CTNNA1: variants seen among roughly 807,000 people sequenced by gnomAD.
CTNNA1 encodes the protein catenin alpha-1.
Under a neutral mutation model 98.4 loss-of-function variants are expected in CTNNA1, and 37 were observed. The observed-to-expected ratio is 0.38, with a 90% confidence interval of 0.29 to 0.49. The LOEUF (loss-of-function observed/expected upper bound fraction) is 0.49, where lower values mean the gene tolerates loss of function less well. Among genes scored for constraint, CTNNA1 ranks in the 20% least tolerant of loss-of-function variants. The pLI, the probability that CTNNA1 is intolerant of heterozygous loss-of-function variation, is 0.95. For missense variants in CTNNA1, 761 were observed against 1,147.2 expected (o/e 0.66, Z 4.86); for synonymous variants, 404 against 413.2 (o/e 0.98, Z 0.27).
At chr5:138,811,111 T>C (rs1384135155) in intron 4 of CTNNA1, among the ~76,000 whole-genome samples, 11 of 141,504 alleles carry the variant, frequency 7.8e-5, no homozygotes, top group East Asian at 2.2e-4. Flanking sequence ...GGGCTCCTCA[T>C]TTCTCAGATG....
At position 138,873,569 on chromosome 5, in the gene CTNNA1, C is replaced by T. The variant is rs752266723; in HGVS notation, c.1063-12643C>T. 1.2e-6 allele frequency: 2 copies of T among 1,613,838 alleles called. No individual in the cohort carries two copies. Among genetic ancestry groups the T allele is most frequent in the Admixed American group, 1.7e-5 (1 of 60,014 alleles). On this transcript the variant is annotated intron_variant, in intron 7 of 17. Coordinates refer to ENST00000302763, the MANE Select transcript of CTNNA1 (RefSeq NM_001903.5). This position sits in a 1 kb window ranked among gnomAD's most constrained non-coding sequence, Gnocchi z 6.1. ...GCATAGGATGGAGTGTTCCCACCGA[C>T]CTTGGAAACTGCCCAGCCAGGAGGC...
At chr5:138,766,460 T>TC (rs1427383213) in intron 1 of CTNNA1, among the ~76,000 whole-genome samples, 1 of 150,542 alleles carries the variant, frequency 6.6e-6, no homozygotes, top group Non-Finnish European at 1.5e-5. Flanking sequence ...TGTTTTTTTT[T>TC]TTTTTTCAGA....
chr5:138,885,150 T>G (rs1322950273), intron 7 of CTNNA1, among the ~76,000 whole-genome samples: 1 of 152,168 alleles, frequency 6.6e-6, no homozygotes, highest in Non-Finnish European at 1.5e-5. Flanking sequence ...GGATAAGAGA[T>G]AAAGTGAATA....
intron 5 of CTNNA1, among the ~76,000 whole-genome samples, chr5:138,818,656 G>A (rs1034857858): frequency 5.9e-5 from 9 of 152,134 alleles, no homozygotes; most frequent in African/African-American, 2.2e-4. Context: ...CAGTTGCCTA[G>A]GCTGTAGAAG....
rs1172693068 is a variant in CTNNA1, at chr5:138,904,312, GA to G, written c.1297-36del. 4.4e-6 allele frequency: 7 copies of G among 1,590,966 alleles called. No homozygotes were observed. The African/African-American group carries it at 8.2e-5, about 19-fold the overall frequency. On this transcript the variant is annotated intron_variant, in intron 9 of 17. Transcript: ENST00000302763. ...TGTGTTTTTTCCTTAGCAGTCAAAA[GA>G]GAAAAATCTTTAAAGATTATTTTTT...
chr5:138,848,471 A>T (rs1437474963), intron 7 of CTNNA1, among the ~76,000 whole-genome samples: 5 of 152,158 alleles, frequency 3.3e-5, no homozygotes, highest in Non-Finnish European at 1.5e-5. Flanking sequence ...TTCTCCTCCA[A>T]GAGCTTAGTT....
chr5:138,755,707 G>A (rs1237164120), intron 1 of CTNNA1, among the ~76,000 whole-genome samples: 1 of 152,126 alleles, frequency 6.6e-6, no homozygotes, highest in Admixed American at 6.5e-5. Flanking sequence ...ATGGTCACCT[G>A]TGCATTGGGA....
intron 7 of CTNNA1, among the ~76,000 whole-genome samples, chr5:138,845,155 T>G (rs897376048): frequency 6.6e-6 from 1 of 152,186 alleles, no homozygotes; most frequent in Admixed American, 6.5e-5. Flanking sequence ...ATTGGCAACT[T>G]TCTTCTAGGG....
chr5:138,879,831 AT>A lies in CTNNA1; in HGVS notation c.1063-6379del, dbSNP rs767235420. Among the ~76,000 whole-genome samples the A allele has an allele frequency of 5.1e-4, 77 of 152,270 alleles. 1 individual carries two copies. The highest frequency in any genetic ancestry group is 3.3e-3 in the Admixed American group (50 of 15,304). On this transcript the variant is annotated intron_variant, in intron 7 of 17. Transcript: ENST00000302763. ...GAGAAAGCAGTAGAAGGGGATTCTG[AT>A]TACACTAACAATGGTAAGCAGTGTT...
At chr5:138,799,882 ATGTATGTATGTG>A (rs1757380188) in intron 3 of CTNNA1, among the ~76,000 whole-genome samples, 1 of 140,888 alleles carries the variant, frequency 7.1e-6, no homozygotes, top group South Asian at 2.2e-4. Context: ...GTATGTATGT[ATGTATGTATGTG>A]TGTGTGTATG....
intron 7 of CTNNA1, chr5:138,875,595 A>G: frequency 1.0e-6 from 1 of 985,486 alleles, no homozygotes; most frequent in Non-Finnish European, 1.2e-6. Flanking sequence ...ACCCATCTGA[A>G]CAGTGAGTTG....
At chr5:138,862,852 G>A (rs557058815) in intron 7 of CTNNA1, among the ~76,000 whole-genome samples, 2 of 152,158 alleles carry the variant, frequency 1.3e-5, no homozygotes, top group Admixed American at 1.3e-4. Flanking sequence ...AGCAGCACAT[G>A]GGTCTAACAT....
intron 3 of CTNNA1, among the ~76,000 whole-genome samples, chr5:138,795,835 T>A (rs1372220946): frequency 1.3e-5 from 2 of 152,246 alleles, no homozygotes; most frequent in South Asian, 2.1e-4. Flanking sequence ...GCAGTGAACA[T>A]GTGTTTTGAT....
intron 5 of CTNNA1, among the ~76,000 whole-genome samples, chr5:138,814,870 C>T (rs1046473544): frequency 6.6e-6 from 1 of 152,110 alleles, no homozygotes; most frequent in Non-Finnish European, 1.5e-5. Context: ...TCTCTTGCCT[C>T]AGGCTCCCGA....
intron 7 of CTNNA1, among the ~76,000 whole-genome samples, chr5:138,858,811 G>C (rs1325737994): frequency 6.6e-6 from 1 of 152,030 alleles, no homozygotes; most frequent in Non-Finnish European, 1.5e-5. Flanking sequence ...TTTGGCCATT[G>C]TTGGTCTGAA....
intron 1 of CTNNA1, among the ~76,000 whole-genome samples, chr5:138,776,657 G>C (rs532378963): frequency 4.0e-5 from 6 of 151,668 alleles, no homozygotes; most frequent in Admixed American, 6.6e-5. Flanking sequence ...GGACGGGGCG[G>C]CTGGCCGGGC....
intron 9 of CTNNA1, among the ~76,000 whole-genome samples, chr5:138,903,984 C>G (rs1236684918): frequency 6.6e-6 from 1 of 152,222 alleles, no homozygotes; most frequent in Non-Finnish European, 1.5e-5. Flanking sequence ...AACAACAGTT[C>G]TTTCCTGATG....
intron 9 of CTNNA1, among the ~76,000 whole-genome samples, chr5:138,893,575 TTTTTA>T (rs1396204432): frequency 4.2e-4 from 63 of 151,790 alleles, no homozygotes; most frequent in Middle Eastern, 3.4e-3. Flanking sequence ...TGATGTTTTA[TTTTTA>T]TTTTATTTAT....
At chr5:138,765,229 T>C (rs1471348637) in intron 1 of CTNNA1, among the ~76,000 whole-genome samples, 1 of 151,974 alleles carries the variant, frequency 6.6e-6, no homozygotes. Context: ...TTAGTAGAGA[T>C]GGGGTTTCAC....
Sources: allele counts gnomAD v4.1 joint callset (sites outside exome capture counted in the v4.1 genomes callset), GRCh38; gene constraint gnomAD v4.1.1; non-coding constraint Gnocchi (gnomAD v3.1); transcripts MANE v1.5; gene names NCBI Gene and HGNC (gene_info 2026-07-23, HGNC 2026-07-21).